Variants in FGD4 observed in about 807,000 individuals in gnomAD.
FGD4 encodes FYVE, RhoGEF and PH domain containing 4.
A neutral mutation model predicts 102.0 loss-of-function variants in FGD4; 42 were observed. The observed-to-expected ratio is 0.41, with a 90% CI of 0.32 to 0.53. The LOEUF is 0.53. FGD4 is among the 20% of genes least tolerant of loss of function. The pLI, the probability that FGD4 is intolerant of heterozygous loss-of-function variation, is 0.21. For missense variants in FGD4, 902 were observed against 1,078.2 expected, an observed-to-expected ratio of 0.84 and a Z score of 2.29; for synonymous variants, 380 against 375.7, an observed-to-expected ratio of 1.01 and a Z score of -0.13.
chr12:32,520,961 A>G (rs1940478425), intron 1 of FGD4, among the ~76,000 whole-genome samples: 1 of 152,146 alleles, frequency 6.6e-6, no homozygotes, highest in South Asian at 2.1e-4. Context: ...GTCAATTACT[A>G]TTTTACTTGT....
intron 1 of FGD4, among the ~76,000 whole-genome samples, chr12:32,543,747 C>A (rs1182365444): frequency 6.6e-6 from 1 of 152,160 alleles, no homozygotes; most frequent in East Asian, 1.9e-4. Context: ...CTGCCTCAGC[C>A]TCCCAAGTAG....
chr12:32,429,390 C>A (rs917289589), intron 1 of FGD4, among the ~76,000 whole-genome samples: 1 of 152,222 alleles, frequency 6.6e-6, no homozygotes, highest in Non-Finnish European at 1.5e-5. Flanking sequence ...CCTCTTCCTT[C>A]CTCTGGAAGC....
chr12:32,432,996 AT>A (rs879626653), intron 1 of FGD4, among the ~76,000 whole-genome samples: 67 of 147,888 alleles, frequency 4.5e-4, no homozygotes, highest in South Asian at 1.7e-3. Context: ...CTGGAATAAG[AT>A]TTTTTTTTTT....
chr12:32,487,407 T>G (rs993060748), intron 1 of FGD4, among the ~76,000 whole-genome samples: 2 of 147,546 alleles, frequency 1.4e-5, no homozygotes, highest in African/African-American at 5.0e-5. Context: ...ATTTTAAAAT[T>G]TATATTGTTA....
chr12:32,460,459 C>T (rs943554773), intron 1 of FGD4, among the ~76,000 whole-genome samples: 43 of 150,564 alleles, frequency 2.9e-4, no homozygotes, highest in Admixed American at 3.3e-4. Context: ...GAGCTGTGAT[C>T]GTACCACTGC....
intron 16 of FGD4, 147 bp downstream of exon 16, chr12:32,638,942 T>C: frequency 1.3e-6 from 2 of 1,501,074 alleles, no homozygotes; most frequent in Non-Finnish European, 1.8e-6. Context: ...AAGTTCAAGT[T>C]TGTTGTTTAA....
intron 1 of FGD4, among the ~76,000 whole-genome samples, chr12:32,411,651 C>T (rs73086036): frequency 0.18 from 26,989 of 152,066 alleles, 3,020 homozygotes; most frequent in East Asian, 0.29. Flanking sequence ...CTTACCATTT[C>T]AAGTACAATG....
At chr12:32,605,208 A>G (rs1480373013) in intron 7 of FGD4, among the ~76,000 whole-genome samples, 1 of 152,066 alleles carries the variant, frequency 6.6e-6, no homozygotes, top group Non-Finnish European at 1.5e-5. Context: ...CAAAGTGCTA[A>G]AATTACAGGC....
At chr12:32,533,118 G>A (rs1941952602) in intron 1 of FGD4, among the ~76,000 whole-genome samples, 1 of 152,156 alleles carries the variant, frequency 6.6e-6, no homozygotes, top group Non-Finnish European at 1.5e-5. Flanking sequence ...CACTGCCCCA[G>A]TGGTTCTCAA....
chr12:32,539,981 A>C (rs2136122009), intron 1 of FGD4, among the ~76,000 whole-genome samples: 1 of 152,260 alleles, frequency 6.6e-6, no homozygotes, highest in South Asian at 2.1e-4. Flanking sequence ...TTGCCCAGTA[A>C]ATTTTTTTTA....
At chr12:32,402,284 G>T (rs945092278) in intron 1 of FGD4, among the ~76,000 whole-genome samples, 2 of 151,730 alleles carry the variant, frequency 1.3e-5, no homozygotes, top group Non-Finnish European at 2.9e-5. Context: ...TGCAAAAAAT[G>T]ACCCCTTGTG....
intron 1 of FGD4, among the ~76,000 whole-genome samples, chr12:32,465,321 C>T (rs972024097): frequency 1.3e-5 from 2 of 151,712 alleles, no homozygotes; most frequent in Non-Finnish European, 2.9e-5. Flanking sequence ...TTGCCATAGC[C>T]CCCCCAGCCC....
intron 1 of FGD4, among the ~76,000 whole-genome samples, chr12:32,453,814 C>T (rs1180379386): frequency 6.6e-6 from 1 of 152,122 alleles, no homozygotes; most frequent in African/African-American, 2.4e-5. Context: ...ACACCCAGTA[C>T]CTAACTGAAC....
At chr12:32,540,604 C>T (rs547271814) in intron 1 of FGD4, among the ~76,000 whole-genome samples, 26 of 140,770 alleles carry the variant, frequency 1.8e-4, no homozygotes, top group African/African-American at 6.8e-4. Flanking sequence ...TCACTCTTGT[C>T]GCTCAAGCTG....
At chr12:32,564,365 A>C in intron 2 of FGD4, 76 bp downstream of exon 2, 1 of 1,478,798 alleles carries the variant, frequency 6.8e-7, no homozygotes, top group South Asian at 1.3e-5. Context: ...AATGATGGCC[A>C]CAAAGAAAGT....
chr12:32,484,856 A>T (rs1481710389), intron 1 of FGD4, among the ~76,000 whole-genome samples: 3 of 152,196 alleles, frequency 2.0e-5, no homozygotes, highest in Non-Finnish European at 2.9e-5. Context: ...AGGGTGACAG[A>T]GGGATACTCT....
chr12:32,586,435 T>G (rs1251318421), intron 4 of FGD4, among the ~76,000 whole-genome samples: 2 of 152,212 alleles, frequency 1.3e-5, no homozygotes, highest in African/African-American at 4.8e-5. Flanking sequence ...GATCGCATAA[T>G]GTATGGTCAC....
At chr12:32,572,089 TAC>T (rs533482722) in intron 2 of FGD4, among the ~76,000 whole-genome samples, 204 of 152,004 alleles carry the variant, frequency 1.3e-3, no homozygotes, top group African/African-American at 4.8e-3. Context: ...TATGTATGTT[TAC>T]ACACACACAT....
intron 1 of FGD4, among the ~76,000 whole-genome samples, chr12:32,501,719 AGC>A (rs1938232883): frequency 6.6e-6 from 1 of 152,236 alleles, no homozygotes; most frequent in Non-Finnish European, 1.5e-5. Context: ...TCCTTATAAA[AGC>A]AGTTTCAGTT....
Sources: allele counts gnomAD v4.1 joint callset (sites outside exome capture counted in the v4.1 genomes callset), GRCh38; gene constraint gnomAD v4.1.1; transcripts MANE v1.5; gene names NCBI Gene and HGNC (gene_info 2026-07-23, HGNC 2026-07-21).